Variants in FGL1 observed in about 807,000 individuals in gnomAD.
The protein encoded by FGL1 is fibrinogen-like protein 1.
Under a neutral mutation model 43.7 loss-of-function variants are expected in FGL1, and 59 were observed. That is an observed-to-expected ratio of 1.35 (90% confidence interval 1.10 to 1.68). FGL1 has a LOEUF of 1.68. Among genes scored for constraint, FGL1 ranks in the 40% most tolerant of loss-of-function variants. The pLI, the probability that FGL1 is intolerant of heterozygous loss-of-function variation, is 0.00. For synonymous variants in FGL1, 192 were observed against 126.5 expected, an observed-to-expected ratio of 1.52 and a Z score of -3.48; for missense variants, 596 against 373.0, an observed-to-expected ratio of 1.60 and a Z score of -4.92.
At chr8:17,879,280 G>A (rs578089119) in intron 3 of FGL1, among the ~76,000 whole-genome samples, 5 of 151,954 alleles carry the variant, frequency 3.3e-5, no homozygotes, top group South Asian at 2.1e-4. Context: ...CCTTGGCATC[G>A]TAATTTCCAA....
chr8:17,872,927 G>C (rs1271564813), intron 5 of FGL1, among the ~76,000 whole-genome samples: 1 of 152,110 alleles, frequency 6.6e-6, no homozygotes, highest in African/African-American at 2.4e-5. Flanking sequence ...TTGAGTAATG[G>C]GCAAACGGAT....
chr8:17,882,138 G>C lies in FGL1; in HGVS notation c.105C>G (p.Ala35=), dbSNP rs748181402. ...DCAQEQMRLR[A]QVRLLETRVK... ...CCCGGGTCTCAAGCAGGCGCACCTG[G>C]GCTCTGAGCCGCATCTGCTCCTGGG... The change falls in exon 3 of 8, where the codon GCC becomes GCG. Residue 35 remains alanine (A), a synonymous_variant. Transcript: ENST00000427924. 1 of 1,613,878 alleles carries C rather than the reference G, an allele frequency of 6.2e-7. No individual in the cohort carries two copies. Among genetic ancestry groups the C allele is most frequent in the Non-Finnish European group, 8.5e-7 (1 of 1,179,996 alleles).
At chr8:17,893,324 T>C (rs2053732098) in intron 1 of FGL1, among the ~76,000 whole-genome samples, 1 of 152,068 alleles carries the variant, frequency 6.6e-6, no homozygotes, top group South Asian at 2.1e-4. Context: ...ATGCTCTGAA[T>C]GATGCACCTA....
chr8:17,865,317 A>C (rs745411431), intron 7 of FGL1, among the ~76,000 whole-genome samples: 1 of 152,202 alleles, frequency 6.6e-6, no homozygotes, highest in Non-Finnish European at 1.5e-5. Context: ...GAGTGTCAGC[A>C]AAGCAAGTCG....
chr8:17,870,312 T>C (rs760753174), intron 5 of FGL1, among the ~76,000 whole-genome samples: 4 of 152,184 alleles, frequency 2.6e-5, no homozygotes, highest in Admixed American at 2.0e-4. Flanking sequence ...TAATCTTTTT[T>C]TTCCCATTGT....
intron 1 of FGL1, among the ~76,000 whole-genome samples, chr8:17,887,158 C>T (rs1208556574): frequency 1.5e-5 from 2 of 135,746 alleles, no homozygotes; most frequent in African/African-American, 5.5e-5. Context: ...AGGCAACCGG[C>T]TCTACACTCT....
At position 17,868,594 on chromosome 8, in the gene FGL1, C is replaced by T. The variant is rs1424089221; in HGVS notation, c.733G>A (p.Glu245Lys). The T allele has an allele frequency of 2.4e-5, 38 of 1,613,992 alleles. No individual in the cohort carries two copies. The highest frequency in any genetic ancestry group is 3.1e-5 in the Non-Finnish European group (37 of 1,179,970). Reference sequence around the variant, plus strand: ...TGATCTTCTTCTGCGCAGTTCCCTTCATAGTTGTCATGATCTCTGTCCCAC... The same window carrying T: ...TGATCTTCTTCTGCGCAGTTCCCTTTATAGTTGTCATGATCTCTGTCCCAC... ...STWDRDHDNY[E>K]GNCAEEDQSG... The change falls in exon 7 of 8, where the codon GAA (glutamate) becomes AAA (lysine). Residue 245 changes from glutamate (E) to lysine (K), a missense_variant. Coordinates refer to ENST00000427924, the MANE Select transcript of FGL1 (RefSeq NM_004467.4).
chr8:17,889,586 T>C (rs1209288801), intron 1 of FGL1, among the ~76,000 whole-genome samples: 2 of 152,138 alleles, frequency 1.3e-5, no homozygotes, highest in African/African-American at 4.8e-5. Context: ...TATCAAATTT[T>C]AATTGGCCAT....
intron 3 of FGL1, among the ~76,000 whole-genome samples, chr8:17,875,535 C>CTCTCTCTCTCTCTCTT (rs2053437627): frequency 7.8e-5 from 2 of 25,494 alleles, no homozygotes; most frequent in Admixed American, 3.5e-4. Context: ...TTCTTTCTTT[C>CTCTCTCTCTCTCTCTT]TCTTTCTTTC....
chr8:17,881,442 T>C (rs1048672708), intron 3 of FGL1, among the ~76,000 whole-genome samples: 4 of 151,468 alleles, frequency 2.6e-5, no homozygotes, highest in Non-Finnish European at 4.4e-5. Context: ...GCTGTGTCCA[T>C]CAGTATTTAA....
At chr8:17,892,019 T>C (rs1226655645) in intron 1 of FGL1, among the ~76,000 whole-genome samples, 1 of 152,224 alleles carries the variant, frequency 6.6e-6, no homozygotes, top group Non-Finnish European at 1.5e-5. Flanking sequence ...CCAAGGTCAT[T>C]ACCATAGCTA....
intron 3 of FGL1, among the ~76,000 whole-genome samples, chr8:17,875,523 CTTTCTTTCTT>C (rs1563452286): frequency 1.6e-3 from 16 of 10,294 alleles, no homozygotes; most frequent in African/African-American, 1.6e-3. Flanking sequence ...TTCTTTCTTT[CTTTCTTTCTT>C]TCTCTTTCTT....
At position 17,874,449 on chromosome 8, in the gene FGL1, G is replaced by T. The variant is rs752957548; in HGVS notation, c.317C>A (p.Ala106Glu). The change falls in exon 4 of 8, where the codon GCA becomes GAA. Residue 106 changes from alanine to glutamate, a missense_variant. Coordinates refer to ENST00000427924, the MANE Select transcript of FGL1 (RefSeq NM_004467.4). ...CATGTCACAATAAACAGAAAATTCTGCTGGGCTCTGGAGAGGTTTGATTTT... is the reference window on the plus strand; with the variant it reads ...CATGTCACAATAAACAGAAAATTCTTCTGGGCTCTGGAGAGGTTTGATTTT... ...FYKIKPLQSPAEFSVYCDMSD... is the reference protein window; with the variant it reads ...FYKIKPLQSPEEFSVYCDMSD... 25 of 1,613,992 alleles carry T rather than the reference G, an allele frequency of 1.5e-5. No homozygotes were observed. Among genetic ancestry groups the T allele is most frequent in the Non-Finnish European group, 2.0e-5 (24 of 1,179,956 alleles).
intron 2 of FGL1, among the ~76,000 whole-genome samples, chr8:17,883,446 A>G (rs1301210263): frequency 2.1e-5 from 2 of 96,498 alleles, no homozygotes; most frequent in African/African-American, 7.6e-5. Context: ...ATGAATATAA[A>G]TGAATAGATA....
intron 2 of FGL1, among the ~76,000 whole-genome samples, chr8:17,884,993 TAAAAATTACTTA>T (rs2053606206): frequency 6.6e-6 from 1 of 152,086 alleles, no homozygotes; most frequent in Admixed American, 6.5e-5. Flanking sequence ...AGTGAATTTT[TAAAAATTACTTA>T]TTTATTATGA....
chr8:17,880,937 T>C (rs1195726344), intron 3 of FGL1, among the ~76,000 whole-genome samples: 2 of 152,176 alleles, frequency 1.3e-5, no homozygotes, highest in African/African-American at 4.8e-5. Context: ...AAAATATACA[T>C]ATAAAAAACT....
chr8:17,871,138 G>A (rs928895940), intron 5 of FGL1, among the ~76,000 whole-genome samples: 3 of 152,038 alleles, frequency 2.0e-5, no homozygotes, highest in African/African-American at 7.2e-5. Context: ...AAGGTCACAG[G>A]AGAAAAGACT....
At chr8:17,887,767 G>A (rs1340906087) in intron 1 of FGL1, among the ~76,000 whole-genome samples, 1 of 151,710 alleles carries the variant, frequency 6.6e-6, no homozygotes, top group Non-Finnish European at 1.5e-5. Flanking sequence ...CCTGGGAGGT[G>A]GAGGTTGCAG....
chr8:17,883,257 C>A (rs1334351677), intron 2 of FGL1, among the ~76,000 whole-genome samples: 14 of 48,408 alleles, frequency 2.9e-4, no homozygotes, highest in East Asian at 1.1e-3. Context: ...TAATATATAT[C>A]ATATATAATA....
Sources: gnomAD v4.1 joint callset for allele counts (sites outside exome capture counted in the v4.1 genomes callset) on GRCh38, gnomAD v4.1.1 for gene constraint, MANE v1.5 for transcripts, NCBI Gene and HGNC (gene_info 2026-07-23, HGNC 2026-07-21) for gene names.